The following EFNA5 variants were observed in gnomAD, a reference collection of about 807,000 sequenced individuals.
The protein encoded by EFNA5 is ephrin A5, also known as ephrin-A5.
In EFNA5, 5 loss-of-function variants were observed where a neutral mutation model predicts 22.9. The ratio of observed to expected loss-of-function variants is 0.22; its 90% CI spans 0.11 to 0.46. The LOEUF is 0.46. EFNA5 is among the 20% of genes least tolerant of loss of function. EFNA5 has a pLI of 0.99. For missense variants in EFNA5, 237 were observed against 293.3 expected (o/e 0.81, Z 1.40); for synonymous variants, 113 against 112.2 (o/e 1.01, Z -0.04).
At position 107,379,777 on chromosome 5, in the gene EFNA5, G is replaced by A. The variant is rs572806664; in HGVS notation, c.*1478C>T. On this transcript the variant is annotated 3_prime_UTR_variant, in exon 5 of 5. Transcript: ENST00000333274. ...CTGCCCCACCCCCACAATGAAACAA[G>A]ATAGCCCCCATATTTCTAAATGTAT... 1 of 151,590 alleles carries A rather than the reference G, an allele frequency of 6.6e-6. No individual in the cohort carries two copies. Among genetic ancestry groups the A allele is most frequent in the East Asian group, 1.9e-4 (1 of 5,154 alleles). The allele number at this position is 151,590 out of a possible 1,614,324, so 9.4% of individuals were successfully genotyped here.
chr5:107,574,757 G>A (rs1322651682), intron 1 of EFNA5, among the ~76,000 whole-genome samples: 1 of 152,218 alleles, frequency 6.6e-6, no homozygotes, highest in Admixed American at 6.5e-5. Context: ...AAGCAGTGGG[G>A]AGAGTTTGAA....
At chr5:107,422,827 A>G (rs1748707928) in intron 2 of EFNA5, among the ~76,000 whole-genome samples, 1 of 152,196 alleles carries the variant, frequency 6.6e-6, no homozygotes, top group African/African-American at 2.4e-5. Context: ...TGTCAGTGCC[A>G]TGAGTGGGGA....
chr5:107,602,064 G>C (rs992631061), intron 1 of EFNA5, among the ~76,000 whole-genome samples: 1 of 152,158 alleles, frequency 6.6e-6, no homozygotes, highest in Admixed American at 6.6e-5. Context: ...TGAATCTCGG[G>C]AAAGAGACGT....
intron 3 of EFNA5, 108 bp downstream of exon 3, chr5:107,387,598 A>G: frequency 1.3e-6 from 1 of 762,338 alleles, no homozygotes; most frequent in Admixed American, 2.5e-5. Flanking sequence ...CAAAACAGAT[A>G]CCACACAAGA....
Position 107,627,500 on chromosome 5 carries a change from G to A in EFNA5, c.125+42989C>T, listed in dbSNP as rs1580568190. ...AGAGTATTAAGCCACATCAGATGCG[G>A]TGGCACGGGCCTGTAGTCCCAGCTA... is the stretch of plus-strand genomic sequence containing the variant. On this transcript the variant is annotated intron_variant, in intron 1 of 4. Coordinates refer to ENST00000333274, the MANE Select transcript of EFNA5 (RefSeq NM_001962.3). 1.3e-5 allele frequency among the ~76,000 whole-genome samples: 2 copies of A among 152,204 alleles called. 1 individual carries two copies. Among genetic ancestry groups the A allele is most frequent in the East Asian group, 3.9e-4 (2 of 5,190 alleles).
intron 1 of EFNA5, among the ~76,000 whole-genome samples, chr5:107,659,417 T>G (rs549954453): frequency 3.9e-5 from 6 of 152,002 alleles, no homozygotes; most frequent in Admixed American, 6.6e-5. Context: ...CAAAACTTCA[T>G]GTTATTCAAT....
chr5:107,504,148 A>G (rs1747201089), intron 1 of EFNA5, among the ~76,000 whole-genome samples: 1 of 152,156 alleles, frequency 6.6e-6, no homozygotes, highest in African/African-American at 2.4e-5. Context: ...AGGAATCCCA[A>G]AAGAAAGGTC....
chr5:107,419,905 G>T (rs1748608764), intron 2 of EFNA5, among the ~76,000 whole-genome samples: 1 of 152,130 alleles, frequency 6.6e-6, no homozygotes, highest in Admixed American at 6.5e-5. Context: ...GTGTTTCATT[G>T]TCAGAAAGTA....
At chr5:107,491,479 T>C (rs1746805459) in intron 1 of EFNA5, among the ~76,000 whole-genome samples, 1 of 152,120 alleles carries the variant, frequency 6.6e-6, no homozygotes, top group African/African-American at 2.4e-5. Flanking sequence ...GCCTGGCTAC[T>C]TTTTGTATTT....
chr5:107,632,370 AAC>A (rs1223968507), intron 1 of EFNA5, among the ~76,000 whole-genome samples: 7 of 152,224 alleles, frequency 4.6e-5, no homozygotes, highest in Admixed American at 4.6e-4. Context: ...AAAAAATTAT[AAC>A]ACGTTAGCAA....
At chr5:107,438,507 C>G (rs1230106469) in intron 1 of EFNA5, among the ~76,000 whole-genome samples, 1 of 152,214 alleles carries the variant, frequency 6.6e-6, no homozygotes, top group Non-Finnish European at 1.5e-5. Flanking sequence ...GGGGCTCCCT[C>G]CTGCTCAGGT....
intron 2 of EFNA5, among the ~76,000 whole-genome samples, chr5:107,422,586 C>T (rs1748700706): frequency 6.6e-6 from 1 of 152,212 alleles, no homozygotes; most frequent in Non-Finnish European, 1.5e-5. Flanking sequence ...ATAAAGTCCC[C>T]AGGTCCCGAT....
chr5:107,410,637 T>C (rs1748343026), intron 2 of EFNA5, among the ~76,000 whole-genome samples: 2 of 152,188 alleles, frequency 1.3e-5, no homozygotes, highest in Non-Finnish European at 2.9e-5. Flanking sequence ...CAATACACAG[T>C]ATCATATTTA....
At chr5:107,656,669 T>C (rs1009892718) in intron 1 of EFNA5, among the ~76,000 whole-genome samples, 2 of 152,156 alleles carry the variant, frequency 1.3e-5, no homozygotes, top group Non-Finnish European at 2.9e-5. Context: ...TTATTCTTTT[T>C]ACAAGTTTTA....
intron 1 of EFNA5, among the ~76,000 whole-genome samples, chr5:107,555,800 T>C (rs1420660239): frequency 6.6e-6 from 1 of 152,204 alleles, no homozygotes; most frequent in Non-Finnish European, 1.5e-5. Flanking sequence ...TTCAAGAATA[T>C]AGTAAAAATA....
At chr5:107,555,385 C>G (rs1748390017) in intron 1 of EFNA5, among the ~76,000 whole-genome samples, 1 of 152,180 alleles carries the variant, frequency 6.6e-6, no homozygotes, top group Admixed American at 6.5e-5. Context: ...TTTGTGTCCA[C>G]TGTTATATGC....
At chr5:107,488,457 T>C (rs1202103942) in intron 1 of EFNA5, among the ~76,000 whole-genome samples, 6 of 152,214 alleles carry the variant, frequency 3.9e-5, no homozygotes, top group Admixed American at 2.6e-4. Flanking sequence ...CAGATATCTC[T>C]AGTTATTCTC....
chr5:107,601,100 C>A (rs1749583560), intron 1 of EFNA5, among the ~76,000 whole-genome samples: 2 of 152,192 alleles, frequency 1.3e-5, no homozygotes, highest in Non-Finnish European at 1.5e-5. Flanking sequence ...AGATGAGATA[C>A]ATGCTGAATC....
intron 1 of EFNA5, among the ~76,000 whole-genome samples, chr5:107,598,337 G>A (rs923109849): frequency 6.6e-6 from 1 of 152,126 alleles, no homozygotes; most frequent in Non-Finnish European, 1.5e-5. Context: ...CACTGGCTCT[G>A]ACACCAAATT....
Sources: allele counts gnomAD v4.1 joint callset (sites outside exome capture counted in the v4.1 genomes callset), GRCh38; gene constraint gnomAD v4.1.1; transcripts MANE v1.5; gene names NCBI Gene and HGNC (gene_info 2026-07-23, HGNC 2026-07-21).